The following TMIGD3 variants were observed in gnomAD, a reference collection of about 807,000 sequenced individuals.
The protein encoded by TMIGD3 is AD026 protein (AD026).
In TMIGD3, 21 loss-of-function variants were observed where a neutral mutation model predicts 28.1. The ratio of observed to expected loss-of-function variants is 0.75; its 90% CI spans 0.53 to 1.08. The LOEUF (loss-of-function observed/expected upper bound fraction) is 1.08. TMIGD3 is among the 50% of genes least tolerant of loss of function. TMIGD3 has a pLI of 0.00. For synonymous variants in TMIGD3, 151 were observed against 162.1 expected (o/e 0.93, Z 0.52); for missense variants, 416 against 435.6 (o/e 0.96, Z 0.40).
intron 1 of TMIGD3, among the ~76,000 whole-genome samples, chr1:111,514,748 C>A (rs1476175524): frequency 6.6e-6 from 1 of 152,058 alleles, no homozygotes; most frequent in African/African-American, 2.4e-5. Flanking sequence ...TTCAGACTTC[C>A]CCATGCAGTA....
intron 1 of TMIGD3, among the ~76,000 whole-genome samples, chr1:111,512,365 C>T (rs1655717422): frequency 6.6e-6 from 1 of 152,276 alleles, no homozygotes; most frequent in Non-Finnish European, 1.5e-5. Context: ...CCCCACTCCA[C>T]TCACCCCAAC....
chr1:111,498,003 A>T (rs1053429740), intron 1 of TMIGD3, among the ~76,000 whole-genome samples: 4 of 152,216 alleles, frequency 2.6e-5, no homozygotes, highest in Non-Finnish European at 5.9e-5. Flanking sequence ...TGAGACACCC[A>T]AAGCCCTAGA....
chr1:111,485,937 AC>A (rs1449282853), intron 4 of TMIGD3, 97 bp from the exon 5 acceptor site: 15 of 870,558 alleles, frequency 1.7e-5, no homozygotes, highest in South Asian at 6.7e-5. Flanking sequence ...ACCCCTGCCC[AC>A]CCCCCAACCC....
At chr1:111,489,059 A>G in intron 2 of TMIGD3, 35 bp from the exon 3 acceptor site, 2 of 1,534,104 alleles carry the variant, frequency 1.3e-6, no homozygotes, top group Non-Finnish European at 1.8e-6. Context: ...ACACGTGCAC[A>G]CACACACACC....
chr1:111,498,253 T>C (rs1284682760), intron 1 of TMIGD3, among the ~76,000 whole-genome samples: 1 of 152,220 alleles, frequency 6.6e-6, no homozygotes, highest in Non-Finnish European at 1.5e-5. Context: ...TTTGATGTTG[T>C]TTAATTGAAA....
intron 1 of TMIGD3, among the ~76,000 whole-genome samples, chr1:111,541,615 C>T (rs1207243688): frequency 2.0e-5 from 3 of 151,876 alleles, no homozygotes; most frequent in African/African-American, 7.3e-5. Flanking sequence ...AAATCACTCA[C>T]ACGTACTCAA....
chr1:111,514,792 G>A (rs1036102723), intron 1 of TMIGD3, among the ~76,000 whole-genome samples: 17 of 152,056 alleles, frequency 1.1e-4, no homozygotes, highest in African/African-American at 3.4e-4. Flanking sequence ...GGCTCTCTCC[G>A]GGCCTGGACC....
chr1:111,485,010 G>A (rs1017111365), intron 5 of TMIGD3, among the ~76,000 whole-genome samples: 1 of 152,180 alleles, frequency 6.6e-6, no homozygotes, highest in Admixed American at 6.5e-5. Flanking sequence ...GACCAGTCAT[G>A]TCTCTGATGC....
intron 1 of TMIGD3, among the ~76,000 whole-genome samples, chr1:111,492,003 G>A (rs986971461): frequency 4.6e-5 from 7 of 152,218 alleles, no homozygotes; most frequent in Non-Finnish European, 8.8e-5. Flanking sequence ...GTGATGGCAT[G>A]TGATTTCAGA....
chr1:111,489,788 A>G, intron 2 of TMIGD3: 1 of 995,914 alleles, frequency 1.0e-6, no homozygotes, highest in Non-Finnish European at 1.2e-6. Context: ...TTCTGTCTTT[A>G]GGGGATAAGA....
intron 1 of TMIGD3, among the ~76,000 whole-genome samples, chr1:111,529,559 T>A (rs994280666): frequency 1.3e-5 from 2 of 148,416 alleles, no homozygotes; most frequent in Admixed American, 6.7e-5. Flanking sequence ...GATTAGGGAG[T>A]GGTGATGACT....
intron 1 of TMIGD3, among the ~76,000 whole-genome samples, chr1:111,553,811 A>G (rs148661128): frequency 1.3e-5 from 2 of 152,266 alleles, no homozygotes; most frequent in East Asian, 1.9e-4. Context: ...ACTCAAATCC[A>G]TCTCTTAACA....
chr1:111,496,204 A>G (rs1310278089), intron 1 of TMIGD3, among the ~76,000 whole-genome samples: 1 of 152,252 alleles, frequency 6.6e-6, no homozygotes, highest in Non-Finnish European at 1.5e-5. Context: ...ATTAAAAAAT[A>G]GCCAGGACTT....
intron 1 of TMIGD3, among the ~76,000 whole-genome samples, chr1:111,533,495 G>A (rs1656522589): frequency 6.6e-6 from 1 of 152,090 alleles, no homozygotes; most frequent in African/African-American, 2.4e-5. Flanking sequence ...ACCATTATTA[G>A]CAGTTTGTTG....
intron 1 of TMIGD3, among the ~76,000 whole-genome samples, chr1:111,531,371 C>A (rs1020955498): frequency 2.0e-5 from 3 of 151,578 alleles, no homozygotes; most frequent in African/African-American, 7.3e-5. Flanking sequence ...GTTTACTGAT[C>A]TTTTCTTCAC....
Position 111,556,639 on chromosome 1 carries a change from T to C in TMIGD3, c.107+7207A>G, listed in dbSNP as rs1657502714. ...CTTGAGGACATTATGCTAAGTGAAA[T>C]AAGTCAGTCACAACAAGATGAATAT... is the stretch of plus-strand genomic sequence containing the variant. On this transcript the variant is annotated intron_variant, in intron 1 of 5. Coordinates refer to the TMIGD3 transcript ENST00000369717. Among the ~76,000 whole-genome samples the C allele has an allele frequency of 2.0e-5, 3 of 152,156 alleles. No individual in the cohort carries two copies. The South Asian group carries it at 6.2e-4, about 32-fold the overall frequency.
At chr1:111,553,342 T>C (rs566251984) in intron 1 of TMIGD3, among the ~76,000 whole-genome samples, 1 of 152,374 alleles carries the variant, frequency 6.6e-6, no homozygotes, top group African/African-American at 2.4e-5. Flanking sequence ...TGATTCTGCA[T>C]CACCTCTGTG....
At chr1:111,551,169 T>A (rs527422812) in intron 1 of TMIGD3, among the ~76,000 whole-genome samples, 2 of 152,328 alleles carry the variant, frequency 1.3e-5, no homozygotes, top group African/African-American at 4.8e-5. Context: ...TATAGTTGGA[T>A]CATGTTTTTT....
intron 1 of TMIGD3, among the ~76,000 whole-genome samples, chr1:111,494,904 C>T (rs1654823793): frequency 6.6e-6 from 1 of 152,186 alleles, no homozygotes; most frequent in South Asian, 2.1e-4. Flanking sequence ...GAAAAGACTC[C>T]CTATTCAATA....
Sources: allele counts gnomAD v4.1 joint callset (sites outside exome capture counted in the v4.1 genomes callset), GRCh38; gene constraint gnomAD v4.1.1; transcripts MANE v1.5; gene names NCBI Gene and HGNC (gene_info 2026-07-23, HGNC 2026-07-21).